The following RABGAP1L variants were observed in gnomAD, a reference collection of about 807,000 sequenced individuals.
RABGAP1L encodes rab GTPase-activating protein 1-like.
In RABGAP1L, 63 loss-of-function variants were observed where a neutral mutation model predicts 137.7. The observed-to-expected ratio is 0.46, with a 90% CI of 0.37 to 0.56. The LOEUF is 0.56. Among genes scored for constraint, RABGAP1L ranks in the 20% least tolerant of loss-of-function variants. The pLI is 0.00. For missense variants in RABGAP1L, 1,095 were observed against 1,244.0 expected (o/e 0.88, Z 1.80); for synonymous variants, 431 against 433.7 (o/e 0.99, Z 0.08).
chr1:174,534,813 A>C (rs1352006372), intron 13 of RABGAP1L, among the ~76,000 whole-genome samples: 1 of 150,988 alleles, frequency 6.6e-6, no homozygotes, highest in Non-Finnish European at 1.5e-5. Context: ...AATAATTAGA[A>C]TAGTATGCCA....
chr1:174,841,920 C>T (rs61828108), intron 19 of RABGAP1L, among the ~76,000 whole-genome samples: 6,593 of 151,310 alleles, frequency 0.044, 223 homozygotes, highest in Non-Finnish European at 0.071. Flanking sequence ...ATAACAGCTG[C>T]CTAACCACAA....
chr1:174,551,456 A>T (rs1170426910), intron 13 of RABGAP1L, among the ~76,000 whole-genome samples: 1 of 152,022 alleles, frequency 6.6e-6, no homozygotes, highest in South Asian at 2.1e-4. Flanking sequence ...AAATACATAC[A>T]ACTGAATGAA....
At chr1:174,543,720 C>T (rs866651349) in intron 13 of RABGAP1L, among the ~76,000 whole-genome samples, 50 of 152,324 alleles carry the variant, frequency 3.3e-4, no homozygotes, top group African/African-American at 1.2e-3. Context: ...CATGTTTTTG[C>T]AGTGGCTGGT....
intron 4 of RABGAP1L, among the ~76,000 whole-genome samples, chr1:174,241,095 G>A (rs1196474851): frequency 6.6e-6 from 1 of 152,062 alleles, no homozygotes; most frequent in Non-Finnish European, 1.5e-5. Flanking sequence ...CCAACGCGGG[G>A]GGTCACCTGT....
intron 10 of RABGAP1L, among the ~76,000 whole-genome samples, chr1:174,290,764 G>GTTT (rs202217989): frequency 1.4e-5 from 2 of 140,616 alleles, no homozygotes; most frequent in Non-Finnish European, 3.1e-5. Flanking sequence ...CTTTTTCTTG[G>GTTT]TTTTTTTTTT....
chr1:174,374,925 C>T (rs1316713039), intron 12 of RABGAP1L, among the ~76,000 whole-genome samples: 1 of 152,078 alleles, frequency 6.6e-6, no homozygotes, highest in Non-Finnish European at 1.5e-5. Context: ...GATTATATCA[C>T]CATTCTTGAG....
chr1:174,277,814 A>G (rs1571886247), intron 9 of RABGAP1L, among the ~76,000 whole-genome samples: 1 of 152,236 alleles, frequency 6.6e-6, no homozygotes, highest in East Asian at 1.9e-4. Context: ...CCTCCAGGTC[A>G]AGTATAATGT....
chr1:174,296,053 A>G (rs148249039), intron 10 of RABGAP1L, among the ~76,000 whole-genome samples: 10 of 152,344 alleles, frequency 6.6e-5, no homozygotes, highest in Non-Finnish European at 1.5e-4. Context: ...ATTGAGCCAA[A>G]TAAATATAGA....
chr1:174,244,543 T>G (rs1411128743), intron 5 of RABGAP1L: 1 of 152,224 alleles, frequency 6.6e-6, no homozygotes, highest in East Asian at 1.9e-4. Flanking sequence ...CACTTGGATG[T>G]GCTTCTGCAG....
chr1:174,872,664 G>C (rs547015093), intron 19 of RABGAP1L, among the ~76,000 whole-genome samples: 1 of 151,134 alleles, frequency 6.6e-6, no homozygotes, highest in East Asian at 1.9e-4. Context: ...TGGGTTCCCC[G>C]CAAATAGCTG....
At chr1:174,985,091 C>T (rs1274798189) in intron 24 of RABGAP1L, among the ~76,000 whole-genome samples, 1 of 152,126 alleles carries the variant, frequency 6.6e-6, no homozygotes. Context: ...TTGTCTTAGC[C>T]AGAATAAAGA....
At chr1:174,640,212 G>A (rs551197607) in intron 14 of RABGAP1L, among the ~76,000 whole-genome samples, 1 of 152,066 alleles carries the variant, frequency 6.6e-6, no homozygotes, top group South Asian at 2.1e-4. Context: ...TGATTGACCC[G>A]GTTCCTTCCC....
At chr1:174,375,433 G>C (rs767689389) in intron 12 of RABGAP1L, among the ~76,000 whole-genome samples, 3 of 151,856 alleles carry the variant, frequency 2.0e-5, no homozygotes, top group Non-Finnish European at 4.4e-5. Flanking sequence ...TTTTTATAAA[G>C]ATTAATATGT....
intron 1 of RABGAP1L, among the ~76,000 whole-genome samples, chr1:174,180,914 G>T (rs1666298348): frequency 6.6e-6 from 1 of 152,172 alleles, no homozygotes; most frequent in Non-Finnish European, 1.5e-5. Context: ...CCTGGTACTT[G>T]TTTCATGCTT....
chr1:174,563,225 G>A (rs966208204), intron 13 of RABGAP1L, among the ~76,000 whole-genome samples: 2 of 152,152 alleles, frequency 1.3e-5, no homozygotes, highest in African/African-American at 4.8e-5. Context: ...GTCGTGAGCT[G>A]TAGTGAGTGC....
chr1:174,661,133 A>C (rs986626677), intron 14 of RABGAP1L, among the ~76,000 whole-genome samples: 2 of 152,228 alleles, frequency 1.3e-5, no homozygotes, highest in Non-Finnish European at 2.9e-5. Flanking sequence ...AACTACTATT[A>C]GAAAACTTTT....
intron 14 of RABGAP1L, among the ~76,000 whole-genome samples, chr1:174,660,348 C>T (rs918414568): frequency 1.3e-5 from 2 of 152,142 alleles, no homozygotes; most frequent in African/African-American, 4.8e-5. Flanking sequence ...AGAAACTATT[C>T]CAGGCCCAAG....
intron 11 of RABGAP1L, among the ~76,000 whole-genome samples, chr1:174,368,664 A>T (rs995828141): frequency 4.6e-5 from 7 of 152,062 alleles, no homozygotes; most frequent in Non-Finnish European, 1.0e-4. Context: ...TTGATTAGTA[A>T]GATTGTGGTA....
At chr1:174,623,806 C>G (rs1464730977) in intron 13 of RABGAP1L, among the ~76,000 whole-genome samples, 1 of 152,162 alleles carries the variant, frequency 6.6e-6, no homozygotes, top group Non-Finnish European at 1.5e-5. Flanking sequence ...TCCAAGGCCC[C>G]CATGCCTTGG....
Sources: allele counts gnomAD v4.1 joint callset (sites outside exome capture counted in the v4.1 genomes callset), GRCh38; gene constraint gnomAD v4.1.1; transcripts MANE v1.5; gene names NCBI Gene and HGNC (gene_info 2026-07-23, HGNC 2026-07-21).